NSMAF: variants seen among roughly 807,000 people sequenced by gnomAD.
NSMAF encodes neutral sphingomyelinase activation associated factor, also known as protein FAN.
NSMAF carries 90 observed loss-of-function variants against 134.9 expected under a neutral mutation model. That is an observed-to-expected ratio of 0.67 (90% CI 0.56 to 0.79). NSMAF has a LOEUF of 0.79. NSMAF is among the 30% of genes least tolerant of loss of function. The probability of loss-of-function intolerance (pLI) is 0.00; values close to 1 mark genes in which losing one functional copy is unlikely to be tolerated. For synonymous variants in NSMAF, 358 were observed against 389.6 expected (o/e 0.92, Z 0.96); for missense variants, 1,010 against 1,119.0 (o/e 0.90, Z 1.39).
chr8:58,641,271 C>T lies in NSMAF; in HGVS notation c.149+1713G>A, dbSNP rs567433485. The stretch of plus-strand genomic sequence containing the variant: ...CTATATTAAAAATCTACAAAAGATG[C>T]CCTCTCAGCCTCTTAGCTAAGATAA... On this transcript the variant is annotated intron_variant, in intron 2 of 30. Transcript: ENST00000038176. Among the ~76,000 whole-genome samples, 16 of 152,196 alleles carry T rather than the reference C, an allele frequency of 1.1e-4. No individual in the cohort carries two copies. In the South Asian group the frequency reaches 3.3e-3, roughly 32 times the overall value.
At chr8:58,587,158 A>C (rs1805904345) in intron 27 of NSMAF, among the ~76,000 whole-genome samples, 1 of 152,250 alleles carries the variant, frequency 6.6e-6, no homozygotes, top group Non-Finnish European at 1.5e-5. Flanking sequence ...AAAACAGAGC[A>C]AGTGAGAACT....
intron 6 of NSMAF, among the ~76,000 whole-genome samples, chr8:58,625,915 T>C (rs545004536): frequency 6.6e-6 from 1 of 152,026 alleles, no homozygotes. Flanking sequence ...TCATTTTTTT[T>C]AAAATTTATT....
chr8:58,623,549 G>T, intron 7 of NSMAF, 125 bp from the exon 8 acceptor site: 1 of 1,092,158 alleles, frequency 9.2e-7, no homozygotes, highest in Non-Finnish European at 1.4e-6. Context: ...TATACCTATG[G>T]CTTCTTCCTA....
intron 6 of NSMAF, among the ~76,000 whole-genome samples, chr8:58,625,548 C>G (rs550520814): frequency 6.6e-6 from 1 of 152,232 alleles, no homozygotes; most frequent in African/African-American, 2.4e-5. Context: ...TATCCTTCGT[C>G]TCTTGTGAAA....
In NSMAF at chr8:58,635,321, T is replaced by C; in HGVS notation, c.280A>G (p.Asn94Asp). ...KIGKHGENGA[N>D]RHFTKAKSGG... ...ATGACATACTTTGTGAAGTGTCTATTGGCTCCATTTTCTCCATGCTTTCCT... is the reference window on the plus strand; with the variant it reads ...ATGACATACTTTGTGAAGTGTCTATCGGCTCCATTTTCTCCATGCTTTCCT... Residue 94 changes from asparagine (N) to aspartate (D), a missense_variant, in exon 4 of 31, where the codon AAT becomes GAT. Physicochemically the swap from Asn to Asp is conservative, Grantham distance 23 (BLOSUM62 1). Transcript: ENST00000038176. The C allele has an allele frequency of 1.2e-6, 2 of 1,610,566 alleles. No individual in the cohort carries two copies. Among genetic ancestry groups the C allele is most frequent in the Non-Finnish European group, 8.5e-7 (1 of 1,178,746 alleles).
intron 11 of NSMAF, among the ~76,000 whole-genome samples, chr8:58,606,387 T>C (rs1221876949): frequency 6.6e-6 from 1 of 152,170 alleles, no homozygotes; most frequent in Non-Finnish European, 1.5e-5. Context: ...TCTTCAAACA[T>C]AAATGTCTAG....
At chr8:58,646,317 CCTT>C (rs772050965) in intron 1 of NSMAF, among the ~76,000 whole-genome samples, 1 of 152,178 alleles carries the variant, frequency 6.6e-6, no homozygotes, top group Non-Finnish European at 1.5e-5. Context: ...TCGCCTCACT[CCTT>C]CTCTTATAGA....
chr8:58,589,405 C>T (rs1394182719), intron 26 of NSMAF, 47 bp downstream of exon 26: 3 of 1,383,096 alleles, frequency 2.2e-6, no homozygotes, highest in Non-Finnish European at 1.9e-6. Context: ...TATACATATG[C>T]CATATAGCAC....
intron 13 of NSMAF, among the ~76,000 whole-genome samples, chr8:58,602,497 C>T (rs1188227816): frequency 6.6e-6 from 1 of 152,004 alleles, no homozygotes; most frequent in East Asian, 1.9e-4. Flanking sequence ...CATTCGAATT[C>T]TAGTGAATAT....
At chr8:58,585,324 T>TG (rs1805857241) in intron 30 of NSMAF, among the ~76,000 whole-genome samples, 1 of 151,580 alleles carries the variant, frequency 6.6e-6, no homozygotes, top group Non-Finnish European at 1.5e-5. Flanking sequence ...TGGGTTTTTT[T>TG]TTTTTCTCTT....
At chr8:58,659,286 T>C (rs1042846634) in intron 1 of NSMAF, 1 of 1,520,268 alleles carries the variant, frequency 6.6e-7, no homozygotes. Flanking sequence ...CGCCGGGACC[T>C]GCACTGCCGG....
Position 58,589,499 on chromosome 8 carries a change from A to G in NSMAF, c.2164T>C (p.Trp722Arg). 6.4e-7 allele frequency: 1 copy of G among 1,566,610 alleles called. No individual in the cohort carries two copies. Among genetic ancestry groups the G allele is most frequent in the Non-Finnish European group, 8.6e-7 (1 of 1,164,434 alleles). ...GHDDAVSKICWHDNRLYSASW... is the reference protein window; with the variant it reads ...GHDDAVSKICRHDNRLYSASW... Reference sequence around the variant, plus strand: ...GCAGAATATAGCCTGTTGTCATGCCAACAGATCTTACTAACAGCATCATCA... The same window carrying G: ...GCAGAATATAGCCTGTTGTCATGCCGACAGATCTTACTAACAGCATCATCA... Residue 722 changes from tryptophan to arginine, a missense_variant, in exon 26 of 31, where the codon TGG (tryptophan) becomes CGG (arginine). Transcript: ENST00000038176.
intron 27 of NSMAF, among the ~76,000 whole-genome samples, chr8:58,586,870 G>A (rs1040835345): frequency 6.6e-6 from 1 of 152,172 alleles, no homozygotes; most frequent in African/African-American, 2.4e-5. Context: ...TTTTAAAATA[G>A]CTTAAAACTG....
intron 1 of NSMAF, among the ~76,000 whole-genome samples, chr8:58,657,425 C>A (rs1416638413): frequency 1.3e-5 from 2 of 152,172 alleles, no homozygotes; most frequent in African/African-American, 4.8e-5. Context: ...AACAATTTTC[C>A]TGGGTATGCT....
chr8:58,611,024 G>C (rs1806517731), intron 9 of NSMAF, among the ~76,000 whole-genome samples: 1 of 152,086 alleles, frequency 6.6e-6, no homozygotes, highest in Admixed American at 6.5e-5. Context: ...AATAAGAGGT[G>C]GCTTGACCAC....
At chr8:58,597,288 A>T (rs1806158231) in intron 21 of NSMAF, 99 bp downstream of exon 21, 1 of 1,058,840 alleles carries the variant, frequency 9.4e-7, no homozygotes, top group South Asian at 1.5e-5. Context: ...ATCATCTCTA[A>T]GTAGCACAAC....
intron 10 of NSMAF, 130 bp downstream of exon 10, chr8:58,609,474 C>A: frequency 1.2e-6 from 1 of 814,178 alleles, no homozygotes; most frequent in East Asian, 2.5e-5. Flanking sequence ...ACAGATGCTG[C>A]CTGTGAAGGG....
At chr8:58,613,023 A>G (rs1285849585) in intron 9 of NSMAF, among the ~76,000 whole-genome samples, 1 of 152,212 alleles carries the variant, frequency 6.6e-6, no homozygotes, top group Non-Finnish European at 1.5e-5. Context: ...TCTTAGACAA[A>G]GCTGAGAGAA....
At chr8:58,586,207 CATTTTT>C (rs1805882229) in intron 28 of NSMAF, 1 of 627,794 alleles carries the variant, frequency 1.6e-6, no homozygotes, top group South Asian at 2.0e-5. Flanking sequence ...ATTATGAGTT[CATTTTT>C]ATCTTAAATT....
Sources: gnomAD v4.1 joint callset for allele counts (sites outside exome capture counted in the v4.1 genomes callset) on GRCh38, gnomAD v4.1.1 for gene constraint, MANE v1.5 for transcripts, NCBI Gene and HGNC (gene_info 2026-07-23, HGNC 2026-07-21) for gene names.